The following ZNF846 variants were observed in gnomAD, a reference collection of about 807,000 sequenced individuals.
ZNF846 encodes zinc finger protein 420 pseudogene.
A neutral mutation model predicts 16.0 loss-of-function variants in ZNF846; 15 were observed. That is an observed-to-expected ratio of 0.94 (90% confidence interval 0.63 to 1.45). ZNF846 has a LOEUF of 1.45. ZNF846 is among the 40% of genes most tolerant of loss of function. The pLI is 0.00. For missense variants in ZNF846, 714 were observed against 622.3 expected, an observed-to-expected ratio of 1.15 and a Z score of -1.57; for synonymous variants, 229 against 212.0, an observed-to-expected ratio of 1.08 and a Z score of -0.70.
intron 4 of ZNF846, 118 bp downstream of exon 4, chr19:9,761,964 G>A: frequency 2.7e-6 from 2 of 745,172 alleles, no homozygotes; most frequent in South Asian, 3.6e-5. Context: ...AATGGCCTCA[G>A]CCTTCTCAGG....
At chr19:9,764,940 G>C in exon 2 of ZNF846, 1 of 1,614,150 alleles carries the variant, frequency 6.2e-7, no homozygotes, top group Non-Finnish European at 8.5e-7. Flanking sequence ...ACTTGCCTGA[G>C]AAGAATCCAT....
intron 1 of ZNF846, among the ~76,000 whole-genome samples, chr19:9,779,513 C>A (rs543199436): frequency 1.3e-5 from 2 of 151,550 alleles, no homozygotes; most frequent in South Asian, 4.2e-4. Context: ...GGTGATCTGT[C>A]TGCCTCAGCT....
At chr19:9,762,215 A>G in intron 3 of ZNF846, 47 bp from the exon 4 acceptor site, 1 of 1,445,460 alleles carries the variant, frequency 6.9e-7, no homozygotes, top group South Asian at 1.2e-5. Flanking sequence ...AAGACATAAC[A>G]CCATGTCCTT....
At chr19:9,781,940 G>C (rs1439934845) in intron 1 of ZNF846, among the ~76,000 whole-genome samples, 1 of 151,746 alleles carries the variant, frequency 6.6e-6, no homozygotes, top group Non-Finnish European at 1.5e-5. Flanking sequence ...ACCATGCCCT[G>C]CTAATTTTGT....
At chr19:9,770,801 G>A (rs920208998), upstream of ZNF846, among the ~76,000 whole-genome samples, 9 of 151,962 alleles carry the variant, frequency 5.9e-5, no homozygotes, top group African/African-American at 1.9e-4. Context: ...CCTGGGAGGC[G>A]GAGGTTGCAG....
rs568058958 is a variant in ZNF846 at position 9,758,104 on chromosome 19, G to C, written c.973C>G (p.Leu325Val). ...GTGTGAATTCGCATGTGTAAAATAA[G>C]TCCTGTGGATCTAGTGAAGGCTTTT... Residue 325 changes from leucine to valine, a missense_variant, in exon 6 of 6, where the codon CTT (leucine) becomes GTT (valine). Coordinates refer to ENST00000397902, the Ensembl canonical transcript of ZNF846. 3.7e-6 allele frequency: 6 copies of C among 1,613,538 alleles called. No homozygotes were observed. In the South Asian group the frequency reaches 6.6e-5, roughly 18 times the overall value.
exon 6 of ZNF846, chr19:9,757,849 T>G (rs778800834): frequency 1.4e-5 from 23 of 1,613,228 alleles, no homozygotes; most frequent in Non-Finnish European, 1.9e-5. Context: ...ACATGTTGAC[T>G]AAGCATTGAG....
chr19:9,750,635 C>T (rs982900939), downstream of ZNF846, among the ~76,000 whole-genome samples: 1 of 152,198 alleles, frequency 6.6e-6, no homozygotes, highest in Non-Finnish European at 1.5e-5. Context: ...GCCTGTCCCC[C>T]TCATGACACC....
chr19:9,760,938 C>T lies in ZNF846; in HGVS notation c.230-996G>A, dbSNP rs890620372. 2.6e-5 allele frequency among the ~76,000 whole-genome samples: 4 copies of T among 151,592 alleles called. No individual in the cohort carries two copies. In the East Asian group the frequency reaches 7.7e-4, roughly 29 times the overall value. On this transcript the variant is annotated intron_variant, in intron 4 of 5. Coordinates refer to ENST00000397902, the Ensembl canonical transcript of ZNF846. Reference sequence around the variant, plus strand: ...CTAGACCAAGCACACTGGCTCATGCCTGTAATCCCAACACTTTGGGAGACG... The same window carrying T: ...CTAGACCAAGCACACTGGCTCATGCTTGTAATCCCAACACTTTGGGAGACG...
intron 5 of ZNF846, chr19:9,752,444 C>CAA (rs752283106): frequency 1.0e-3 from 351 of 349,394 alleles, no homozygotes; most frequent in South Asian, 1.7e-3. Flanking sequence ...TTCGTCTCTA[C>CAA]AAAAAAAAAA....
upstream of ZNF846, among the ~76,000 whole-genome samples, chr19:9,769,511 G>A (rs986353647): frequency 2.0e-5 from 3 of 152,064 alleles, no homozygotes; most frequent in Non-Finnish European, 2.9e-5. Context: ...GATTATAGGC[G>A]TGAGCCACCA....
chr19:9,758,628 G>C (rs2045173677), exon 6 of ZNF846: 3 of 1,612,984 alleles, frequency 1.9e-6, no homozygotes, highest in Non-Finnish European at 2.5e-6. Flanking sequence ...CTTTCTTAAG[G>C]CTTTTCCACT....
At chr19:9,762,389 G>A (rs1454287799) in intron 3 of ZNF846, 16 of 408,956 alleles carry the variant, frequency 3.9e-5, no homozygotes, top group Non-Finnish European at 6.7e-5. Context: ...TCATACCTCA[G>A]CACTTTGGGA....
chr19:9,775,500 A>C (rs1394839538), intron 1 of ZNF846, among the ~76,000 whole-genome samples: 1 of 152,192 alleles, frequency 6.6e-6, no homozygotes, highest in African/African-American at 2.4e-5. Flanking sequence ...ATTTCAGATC[A>C]ATTGGGGCAA....
chr19:9,761,015 T>C (rs144097720), intron 4 of ZNF846, among the ~76,000 whole-genome samples: 4 of 151,490 alleles, frequency 2.6e-5, no homozygotes, highest in African/African-American at 9.8e-5. Context: ...CTGGCCAACA[T>C]GGTGAAACTC....
At chr19:9,748,624 T>C (rs2045062290), downstream of ZNF846, among the ~76,000 whole-genome samples, 1 of 152,208 alleles carries the variant, frequency 6.6e-6, no homozygotes, top group Non-Finnish European at 1.5e-5. Flanking sequence ...AAGGGCTCTA[T>C]TTTGTTCCAT....
chr19:9,769,558 GT>G (rs975781850), upstream of ZNF846, among the ~76,000 whole-genome samples: 1 of 151,830 alleles, frequency 6.6e-6, no homozygotes, highest in Non-Finnish European at 1.5e-5. Context: ...TTTTCTCCTT[GT>G]TTCTTCAACC....
downstream of ZNF846, among the ~76,000 whole-genome samples, chr19:9,754,582 A>AAAAAAAAAAAAAAC (rs2045116094): frequency 6.7e-6 from 1 of 149,976 alleles, no homozygotes; most frequent in African/African-American, 2.5e-5. Flanking sequence ...AAAAAAAAAA[A>AAAAAAAAAAAAAAC]AAAAAGCAAA....
At chr19:9,755,026 C>T (rs941696800), downstream of ZNF846, among the ~76,000 whole-genome samples, 19 of 151,392 alleles carry the variant, frequency 1.3e-4, no homozygotes, top group African/African-American at 3.9e-4. Flanking sequence ...CCACCACACC[C>T]AGCTAATTTT....
Sources: gnomAD v4.1 joint callset for allele counts (sites outside exome capture counted in the v4.1 genomes callset) on GRCh38, gnomAD v4.1.1 for gene constraint, MANE v1.5 for transcripts, NCBI Gene and HGNC (gene_info 2026-07-23, HGNC 2026-07-21) for gene names.